Variants in DPP10 observed in about 807,000 individuals in gnomAD.
DPP10 encodes inactive dipeptidyl peptidase 10.
A neutral mutation model predicts 120.9 loss-of-function variants in DPP10; 33 were observed. The ratio of observed to expected loss-of-function variants is 0.27; its 90% CI spans 0.21 to 0.37. DPP10 has a LOEUF of 0.37. Ranked by LOEUF, DPP10 falls within the 10% of genes least tolerant of loss-of-function variation. DPP10 has a pLI of 1.00. For missense variants in DPP10, 816 were observed against 942.8 expected, an observed-to-expected ratio of 0.87 and a Z score of 1.76; for synonymous variants, 337 against 326.1, an observed-to-expected ratio of 1.03 and a Z score of -0.36.
intron 1 of DPP10, among the ~76,000 whole-genome samples, chr2:114,945,703 C>G (rs1215786195): frequency 6.6e-6 from 1 of 152,112 alleles, no homozygotes. Flanking sequence ...GTAATCCCAG[C>G]TACTTGGGAG....
intron 5 of DPP10, among the ~76,000 whole-genome samples, chr2:115,561,598 A>G (rs986268942): frequency 2.0e-5 from 3 of 152,118 alleles, no homozygotes; most frequent in Non-Finnish European, 4.4e-5. Flanking sequence ...TATTTAAATG[A>G]AGGGATACAT....
chr2:115,098,372 T>G (rs1016131388), intron 1 of DPP10, among the ~76,000 whole-genome samples: 5 of 152,174 alleles, frequency 3.3e-5, no homozygotes, highest in Non-Finnish European at 5.9e-5. Flanking sequence ...AGGGATACAT[T>G]CTGAGAAATG....
intron 1 of DPP10, among the ~76,000 whole-genome samples, chr2:114,666,411 C>A (rs571872168): frequency 3.3e-5 from 5 of 152,234 alleles, no homozygotes; most frequent in Admixed American, 3.3e-4. Context: ...GTATTATCTC[C>A]TTTTCACATA....
chr2:114,593,704 G>T (rs575291402), intron 1 of DPP10, among the ~76,000 whole-genome samples: 10 of 152,222 alleles, frequency 6.6e-5, no homozygotes, highest in African/African-American at 2.4e-4. Flanking sequence ...CTGTAGCCTA[G>T]CAAACGGGTC....
At chr2:114,874,232 A>T (rs1288455113) in intron 1 of DPP10, among the ~76,000 whole-genome samples, 1 of 152,160 alleles carries the variant, frequency 6.6e-6, no homozygotes, top group Admixed American at 6.6e-5. Context: ...TGGATCCGTG[A>T]TCCATTTGTG....
chr2:114,506,382 G>A (rs556570321), intron 1 of DPP10, among the ~76,000 whole-genome samples: 13 of 152,172 alleles, frequency 8.5e-5, no homozygotes, highest in South Asian at 2.1e-4. Flanking sequence ...CACTTTCATC[G>A]GTAATAAAAT....
At chr2:115,197,890 C>G (rs1174333092) in intron 1 of DPP10, among the ~76,000 whole-genome samples, 1 of 152,100 alleles carries the variant, frequency 6.6e-6, no homozygotes, top group Non-Finnish European at 1.5e-5. Context: ...AATCTTATTA[C>G]CAACTTTTGT....
chr2:114,788,617 C>T (rs1682975687), intron 1 of DPP10, among the ~76,000 whole-genome samples: 1 of 152,060 alleles, frequency 6.6e-6, no homozygotes, highest in South Asian at 2.1e-4. Flanking sequence ...CGGGGTTTCA[C>T]CATGTTGGCC....
At chr2:115,021,484 G>A (rs1362417425) in intron 1 of DPP10, among the ~76,000 whole-genome samples, 10 of 151,980 alleles carry the variant, frequency 6.6e-5, no homozygotes, top group Admixed American at 5.9e-4. Context: ...TACAATCTCT[G>A]AATATACCAA....
intron 3 of DPP10, among the ~76,000 whole-genome samples, chr2:115,355,822 C>G (rs1440001411): frequency 6.6e-6 from 1 of 152,086 alleles, no homozygotes; most frequent in Non-Finnish European, 1.5e-5. Flanking sequence ...GATCCTTTCC[C>G]CATTGCTTAT....
intron 1 of DPP10, among the ~76,000 whole-genome samples, chr2:115,000,170 A>G (rs1701347871): frequency 6.6e-6 from 1 of 151,896 alleles, no homozygotes; most frequent in Admixed American, 6.6e-5. Context: ...GAACCAATCT[A>G]GTATTGGGCC....
intron 1 of DPP10, among the ~76,000 whole-genome samples, chr2:114,974,087 C>G (rs1297341714): frequency 6.6e-6 from 1 of 152,056 alleles, no homozygotes; most frequent in African/African-American, 2.4e-5. Context: ...GGTAAATTTA[C>G]TACCGAAATT....
intron 1 of DPP10, among the ~76,000 whole-genome samples, chr2:114,582,342 T>G (rs1172406851): frequency 2.0e-5 from 3 of 152,250 alleles, no homozygotes; most frequent in Non-Finnish European, 4.4e-5. Context: ...TTTCACCTAC[T>G]GAAGGATATG....
intron 1 of DPP10, among the ~76,000 whole-genome samples, chr2:115,179,756 A>G (rs1426111040): frequency 1.3e-5 from 2 of 152,300 alleles, no homozygotes; most frequent in African/African-American, 4.8e-5. Flanking sequence ...TGGTCAAAAT[A>G]TTCCTCTCTA....
intron 8 of DPP10, among the ~76,000 whole-genome samples, chr2:115,738,305 A>T (rs888609439): frequency 3.3e-5 from 5 of 152,156 alleles, no homozygotes; most frequent in African/African-American, 1.2e-4. Flanking sequence ...TTGGTTTTGC[A>T]TGGGCATTCC....
chr2:115,700,000 C>T (rs1171259136), intron 7 of DPP10, among the ~76,000 whole-genome samples: 1 of 152,102 alleles, frequency 6.6e-6, no homozygotes, highest in African/African-American at 2.4e-5. Flanking sequence ...GTACAGAAAA[C>T]ATGGCTGGGA....
intron 1 of DPP10, among the ~76,000 whole-genome samples, chr2:115,180,880 T>G (rs1358076545): frequency 1.3e-5 from 2 of 151,340 alleles, no homozygotes; most frequent in African/African-American, 2.4e-5. Flanking sequence ...AACTCTTGAT[T>G]ATAATGATGC....
intron 1 of DPP10, among the ~76,000 whole-genome samples, chr2:114,840,827 C>T (rs1688100267): frequency 2.0e-5 from 3 of 152,100 alleles, no homozygotes; most frequent in Admixed American, 1.3e-4. Context: ...TGTGATTTTC[C>T]CTGAACCTTA....
At chr2:115,246,866 G>A (rs2058559202) in intron 1 of DPP10, among the ~76,000 whole-genome samples, 1 of 152,068 alleles carries the variant, frequency 6.6e-6, no homozygotes, top group African/African-American at 2.4e-5. Flanking sequence ...CAAATGACGT[G>A]GCTTCGAAGT....
Sources: gnomAD v4.1 joint callset for allele counts (sites outside exome capture counted in the v4.1 genomes callset) on GRCh38, gnomAD v4.1.1 for gene constraint, MANE v1.5 for transcripts, NCBI Gene and HGNC (gene_info 2026-07-23, HGNC 2026-07-21) for gene names.